Variants in ZNF100 observed in about 807,000 individuals in gnomAD.
ZNF100 encodes the protein zinc finger protein 100, also known as zinc finger protein 100 (Y1).
In ZNF100, 12 loss-of-function variants were observed where a neutral mutation model predicts 15.8. That is an observed-to-expected ratio of 0.76 (90% CI 0.49 to 1.23). The LOEUF (loss-of-function observed/expected upper bound fraction) is 1.23. Among genes scored for constraint, ZNF100 ranks in the 50% most tolerant of loss-of-function variants. The pLI is 0.00. For missense variants in ZNF100, 670 were observed against 635.6 expected, an observed-to-expected ratio of 1.05 and a Z score of -0.58; for synonymous variants, 226 against 214.8, an observed-to-expected ratio of 1.05 and a Z score of -0.45.
rs771096545 is a variant in ZNF100, at chr19:21,727,130, ACTTGT to A, written c.1177_1181del (p.Thr393SerfsTer10). On this transcript the variant is annotated frameshift_variant, in exon 5 of 5. Coordinates refer to ENST00000358296, the MANE Select transcript of ZNF100 (RefSeq NM_173531.4). LOFTEE classifies it low-confidence loss of function (END_TRUNC). ...ATTTGTAGAATTTCTCTCCAGTATG[ACTTGT>A]CTTATGTTTAGTAAGGTATGAGAAT... The A allele has an allele frequency of 1.1e-4, 185 of 1,611,794 alleles. No individual in the cohort carries two copies. Among genetic ancestry groups the A allele is most frequent in the Middle Eastern group, 8.3e-4 (5 of 6,052 alleles).
chr19:21,742,493 TCAAAAAACAAAAAA>T lies in ZNF100; in HGVS notation c.322+1510_322+1523del, dbSNP rs61060508. Among the ~76,000 whole-genome samples, 77 of 149,134 alleles carry T rather than the reference TCAAAAAACAAAAAA, an allele frequency of 5.2e-4. 3 individuals carry two copies. The South Asian group carries it at 0.012, about 24-fold the overall frequency. On this transcript the variant is annotated intron_variant, in intron 4 of 4. Transcript: ENST00000358296. Reference sequence around the variant, plus strand: ...TGGGCAACAACAGTGAAACGCCGTCTCAAAAAACAAAAAACAAAAAACAAAAAACAAAAGTTGAA... The same window carrying T: ...TGGGCAACAACAGTGAAACGCCGTCTCAAAAAACAAAAAACAAAAGTTGAA...
rs2035705597 is a variant in ZNF100, at chr19:21,722,864, T to G, written c.*3819A>C. The G allele has an allele frequency of 1.3e-5, 2 of 151,744 alleles. No individual in the cohort carries two copies. The highest frequency in any genetic ancestry group is 1.3e-4 in the Admixed American group (2 of 15,228). 9.4% of individuals were successfully genotyped at this position (151,744 alleles called of 1,614,324 possible). A position where few individuals can be genotyped will look rare whatever the true frequency, so the allele number is the denominator to read the frequency against. ...TTCACTTACCATTAACTCTTAAAAA[T>G]TTAATTTCTACATTTTCTTGCAAAT... On this transcript the variant is annotated 3_prime_UTR_variant, in exon 5 of 5. Coordinates refer to ENST00000358296, the MANE Select transcript of ZNF100 (RefSeq NM_173531.4).
chr19:21,764,236 A>G (rs1231518086), intron 2 of ZNF100, among the ~76,000 whole-genome samples: 1 of 152,204 alleles, frequency 6.6e-6, no homozygotes, highest in Non-Finnish European at 1.5e-5. Flanking sequence ...TTCCATGTTA[A>G]GAGTTATTCA....
intron 4 of ZNF100, among the ~76,000 whole-genome samples, chr19:21,738,888 T>C (rs925928127): frequency 6.6e-6 from 1 of 152,098 alleles, no homozygotes; most frequent in Non-Finnish European, 1.5e-5. Flanking sequence ...GAAGTTGCAG[T>C]GAGCCGTGAT....
At chr19:21,736,779 T>C (rs1374079557) in intron 4 of ZNF100, among the ~76,000 whole-genome samples, 1 of 152,156 alleles carries the variant, frequency 6.6e-6, no homozygotes, top group African/African-American at 2.4e-5. Flanking sequence ...TTTAACAACA[T>C]ACTCCTGAAT....
chr19:21,740,551 C>T (rs1419231227), intron 4 of ZNF100, among the ~76,000 whole-genome samples: 2 of 151,900 alleles, frequency 1.3e-5, no homozygotes, highest in Admixed American at 6.6e-5. Flanking sequence ...TTGCAAGTCA[C>T]ATGTGATAAG....
chr19:21,759,994 C>A (rs1273570703), intron 2 of ZNF100, among the ~76,000 whole-genome samples: 2 of 152,086 alleles, frequency 1.3e-5, no homozygotes, highest in South Asian at 4.2e-4. Context: ...ACCAGCCTGA[C>A]CAACATGGAG....
intron 3 of ZNF100, among the ~76,000 whole-genome samples, chr19:21,744,454 C>T (rs2036175612): frequency 6.6e-6 from 1 of 152,140 alleles, no homozygotes; most frequent in South Asian, 2.1e-4. Flanking sequence ...CTCACTACAA[C>T]CTCCACCTCC....
chr19:21,755,731 G>A (rs972546236), intron 2 of ZNF100, among the ~76,000 whole-genome samples: 4 of 152,146 alleles, frequency 2.6e-5, no homozygotes, highest in East Asian at 1.9e-4. Context: ...GTACATATAA[G>A]CCATGGAATA....
chr19:21,730,140 A>G (rs1044841024), intron 4 of ZNF100, among the ~76,000 whole-genome samples: 1 of 152,074 alleles, frequency 6.6e-6, no homozygotes, highest in Non-Finnish European at 1.5e-5. Context: ...TATATGTTTA[A>G]CTTTCCAATC....
chr19:21,755,448 G>A (rs1431837105), intron 2 of ZNF100, among the ~76,000 whole-genome samples: 10 of 152,154 alleles, frequency 6.6e-5, no homozygotes. Context: ...TGCCGGTGAG[G>A]CTGTGGAGAA....
Position 21,726,935 on chromosome 19 carries a change from A to C in ZNF100, c.1377T>G (p.Cys459Trp). ...GGTTAAAGGCTTTGCCACATTCGTC[A>C]CATTTGTAGGGTTTCTCTCCAGTAT... ...MIHTGEKPYKCDECGKAFNRS... is the reference protein window; with the variant it reads ...MIHTGEKPYKWDECGKAFNRS... Residue 459 changes from cysteine to tryptophan, a missense_variant, in exon 5 of 5, where the codon TGT (cysteine) becomes TGG (tryptophan). Physicochemically the swap from Cys to Trp is radical, Grantham distance 215. Transcript: ENST00000358296. 1.2e-6 allele frequency: 2 copies of C among 1,611,278 alleles called. No homozygotes were observed. Among genetic ancestry groups the C allele is most frequent in the Non-Finnish European group, 1.7e-6 (2 of 1,179,088 alleles).
chr19:21,751,220 TA>T lies in ZNF100; in HGVS notation c.97-6154del, dbSNP rs2036301880. On this transcript the variant is annotated intron_variant, in intron 2 of 4. Transcript: ENST00000358296. Reference sequence around the variant, plus strand: ...AAAAAGTATAGCTCATGCTCAACAATATTTCTAGGTGACAGAACAGTCAGCC... The same window carrying T: ...AAAAAGTATAGCTCATGCTCAACAATTTTCTAGGTGACAGAACAGTCAGCC... The T allele has an allele frequency of 3.1e-6, 4 of 1,293,838 alleles. No homozygotes were observed. The South Asian group carries it at 3.6e-5, about 11-fold the overall frequency. 80.1% of individuals were successfully genotyped at this position (1,293,838 alleles called of 1,614,324 possible). A position where few individuals can be genotyped will look rare whatever the true frequency, so the allele number is the denominator to read the frequency against.
At chr19:21,767,170 G>A (rs1175795737) in intron 1 of ZNF100, among the ~76,000 whole-genome samples, 3 of 152,230 alleles carry the variant, frequency 2.0e-5, no homozygotes, top group Non-Finnish European at 2.9e-5. Context: ...GAGAGACGCG[G>A]CGCTGCGGGT....
At chr19:21,747,742 G>A (rs1001962942) in intron 2 of ZNF100, among the ~76,000 whole-genome samples, 1 of 150,028 alleles carries the variant, frequency 6.7e-6, no homozygotes, top group African/African-American at 2.5e-5. Context: ...CAGCAATGTT[G>A]GAATAAGTCT....
At chr19:21,731,709 C>T (rs1273598455) in intron 4 of ZNF100, among the ~76,000 whole-genome samples, 1 of 152,040 alleles carries the variant, frequency 6.6e-6, no homozygotes, top group African/African-American at 2.4e-5. Context: ...TCTAATAACT[C>T]TAAAAATAAA....
intron 4 of ZNF100, among the ~76,000 whole-genome samples, chr19:21,730,659 C>G (rs1398998656): frequency 6.9e-6 from 1 of 145,752 alleles, no homozygotes; most frequent in East Asian, 2.0e-4. Context: ...TTATTTCTAA[C>G]AGAGGTATAG....
At chr19:21,766,824 C>T (rs769327416) in intron 1 of ZNF100, among the ~76,000 whole-genome samples, 4 of 151,736 alleles carry the variant, frequency 2.6e-5, no homozygotes, top group Admixed American at 6.6e-5. Flanking sequence ...AAACCCCGTC[C>T]CAACTAAAAA....
intron 2 of ZNF100, chr19:21,751,746 C>T (rs547000107): frequency 1.5e-6 from 2 of 1,296,144 alleles, no homozygotes; most frequent in South Asian, 2.6e-5. Flanking sequence ...CGCTCCTTAG[C>T]AGATGACCAC....
Sources: gnomAD v4.1 joint callset for allele counts (sites outside exome capture counted in the v4.1 genomes callset) on GRCh38, gnomAD v4.1.1 for gene constraint, MANE v1.5 for transcripts, NCBI Gene and HGNC (gene_info 2026-07-23, HGNC 2026-07-21) for gene names.